The following RSBN1L variants were observed in gnomAD, a reference collection of about 807,000 sequenced individuals.
RSBN1L encodes the protein lysine-specific demethylase RSBN1L.
Under a neutral mutation model 67.7 loss-of-function variants are expected in RSBN1L, and 30 were observed. That is an observed-to-expected ratio of 0.44 (90% CI 0.33 to 0.60). The LOEUF (loss-of-function observed/expected upper bound fraction) is 0.60, where lower values mean the gene tolerates loss of function less well. Among genes scored for constraint, RSBN1L ranks in the 20% least tolerant of loss-of-function variants. The probability of loss-of-function intolerance (pLI) is 0.02; values close to 1 mark genes in which losing one functional copy is unlikely to be tolerated. For missense variants in RSBN1L, 992 were observed against 1,031.7 expected, an observed-to-expected ratio of 0.96 and a Z score of 0.53; for synonymous variants, 433 against 387.0, an observed-to-expected ratio of 1.12 and a Z score of -1.39.
intron 3 of RSBN1L, among the ~76,000 whole-genome samples, chr7:77,750,269 CAATT>C (rs749487725): frequency 1.8e-4 from 16 of 87,874 alleles, no homozygotes; most frequent in African/African-American, 2.8e-4. Flanking sequence ...TTTTTAAAGA[CAATT>C]AATGAAATAA....
At chr7:77,711,296 G>A (rs746647170) in intron 1 of RSBN1L, among the ~76,000 whole-genome samples, 1 of 147,386 alleles carries the variant, frequency 6.8e-6, no homozygotes, top group Non-Finnish European at 1.5e-5. Flanking sequence ...GCACTACATT[G>A]TATAAAAAAG....
Position 77,715,467 on chromosome 7 carries a change from G to A in RSBN1L, c.586+18412G>A, listed in dbSNP as rs540654074. Among the ~76,000 whole-genome samples the A allele has an allele frequency of 9.2e-5, 14 of 152,052 alleles. No homozygotes were observed. In the East Asian group the frequency reaches 2.7e-3, roughly 29 times the overall value. On this transcript the variant is annotated intron_variant, in intron 1 of 7. Coordinates refer to ENST00000334955, the MANE Select transcript of RSBN1L (RefSeq NM_198467.3). ...TTACAGATGCCCGCCACCACACTCG[G>A]GTAATTTTTTAAAAATTTTTAGTCA...
chr7:77,735,240 T>C (rs1263418865), intron 1 of RSBN1L, among the ~76,000 whole-genome samples: 1 of 152,198 alleles, frequency 6.6e-6, no homozygotes, highest in Non-Finnish European at 1.5e-5. Flanking sequence ...ATGTGACTAT[T>C]CAACACTTAA....
intron 3 of RSBN1L, among the ~76,000 whole-genome samples, chr7:77,763,790 T>C (rs1791727087): frequency 6.6e-6 from 1 of 152,220 alleles, no homozygotes; most frequent in African/African-American, 2.4e-5. Context: ...CCTGCCAGGC[T>C]GGAGATATCC....
At chr7:77,748,061 G>C (rs1412207385) in intron 2 of RSBN1L, among the ~76,000 whole-genome samples, 1 of 152,180 alleles carries the variant, frequency 6.6e-6, no homozygotes, top group African/African-American at 2.4e-5. Flanking sequence ...AAATAGTTCA[G>C]TTTGACCAGA....
intron 5 of RSBN1L, among the ~76,000 whole-genome samples, chr7:77,772,448 T>C (rs1417168106): frequency 6.6e-6 from 1 of 152,234 alleles, no homozygotes; most frequent in Admixed American, 6.5e-5. Context: ...GTTTCTGCAA[T>C]GAGTGAGGCT....
At chr7:77,731,360 C>T (rs1037218120) in intron 1 of RSBN1L, among the ~76,000 whole-genome samples, 5 of 152,106 alleles carry the variant, frequency 3.3e-5, no homozygotes, top group East Asian at 1.9e-4. Context: ...CTCAACCTCC[C>T]GAGTAGCTGG....
intron 1 of RSBN1L, among the ~76,000 whole-genome samples, chr7:77,727,308 A>G (rs1162425782): frequency 6.6e-6 from 1 of 151,486 alleles, no homozygotes; most frequent in Admixed American, 6.6e-5. Flanking sequence ...GCTGGTCTCG[A>G]ACTCCCGACC....
chr7:77,765,679 G>A (rs1052746328), intron 4 of RSBN1L, 47 bp downstream of exon 4: 5 of 1,376,668 alleles, frequency 3.6e-6, no homozygotes, highest in African/African-American at 1.5e-5. Context: ...TTTAAAAAAG[G>A]GAAGAAAAAC....
chr7:77,724,043 G>C (rs1190816348), intron 1 of RSBN1L, among the ~76,000 whole-genome samples: 2 of 152,060 alleles, frequency 1.3e-5, no homozygotes, highest in African/African-American at 4.8e-5. Flanking sequence ...CTCCCAAAGT[G>C]CTAGGATTAC....
At chr7:77,736,818 A>G (rs573644391) in intron 2 of RSBN1L, among the ~76,000 whole-genome samples, 12 of 152,326 alleles carry the variant, frequency 7.9e-5, no homozygotes, top group Admixed American at 3.3e-4. Flanking sequence ...AGTCTTACTC[A>G]TATTTAGATA....
chr7:77,705,653 G>A (rs766889332), intron 1 of RSBN1L, among the ~76,000 whole-genome samples: 20 of 150,532 alleles, frequency 1.3e-4, no homozygotes, highest in Admixed American at 2.0e-4. Flanking sequence ...CTGGGATTAC[G>A]GGCGCATGCC....
chr7:77,763,611 T>G (rs531854440), intron 3 of RSBN1L, among the ~76,000 whole-genome samples: 9 of 152,328 alleles, frequency 5.9e-5, no homozygotes, highest in African/African-American at 1.9e-4. Context: ...CTCTTGATAT[T>G]GGAGATGATA....
At chr7:77,759,032 C>G (rs1791661312) in intron 3 of RSBN1L, among the ~76,000 whole-genome samples, 1 of 152,150 alleles carries the variant, frequency 6.6e-6, no homozygotes. Context: ...AAAGTGTTAA[C>G]TGATGATTAA....
chr7:77,772,780 G>A (rs117514265), intron 5 of RSBN1L, among the ~76,000 whole-genome samples: 7,702 of 152,212 alleles, frequency 0.051, 306 homozygotes, highest in Non-Finnish European at 0.075. Context: ...TTGAATTAAT[G>A]CATTTTTAAA....
chr7:77,722,659 C>T (rs1178749295), intron 1 of RSBN1L, among the ~76,000 whole-genome samples: 1 of 151,954 alleles, frequency 6.6e-6, no homozygotes, highest in East Asian at 1.9e-4. Flanking sequence ...TGTAATGTAA[C>T]TGCTTTTCCT....
chr7:77,770,510 G>A (rs1475051547), intron 5 of RSBN1L, among the ~76,000 whole-genome samples: 1 of 152,046 alleles, frequency 6.6e-6, no homozygotes, highest in African/African-American at 2.4e-5. Flanking sequence ...GTGAGATGCC[G>A]CCTCTACAAA....
chr7:77,719,335 C>T (rs543690439), intron 1 of RSBN1L, among the ~76,000 whole-genome samples: 2 of 152,068 alleles, frequency 1.3e-5, no homozygotes, highest in East Asian at 1.9e-4. Flanking sequence ...ACAAGTACAA[C>T]GAGAGTCTGG....
intron 1 of RSBN1L, among the ~76,000 whole-genome samples, chr7:77,699,849 T>A (rs1459779723): frequency 6.6e-6 from 1 of 151,004 alleles, no homozygotes; most frequent in Admixed American, 6.6e-5. Context: ...CAGGTTGGAG[T>A]GCAGTGGCGC....
Sources: allele counts gnomAD v4.1 joint callset (sites outside exome capture counted in the v4.1 genomes callset), GRCh38; gene constraint gnomAD v4.1.1; transcripts MANE v1.5; gene names NCBI Gene and HGNC (gene_info 2026-07-23, HGNC 2026-07-21).